The following NUP93 variants were observed in gnomAD, a reference collection of about 807,000 sequenced individuals.
NUP93 encodes nucleoporin 93.
A neutral mutation model predicts 107.8 loss-of-function variants in NUP93; 55 were observed. The observed-to-expected ratio is 0.51, with a 90% CI of 0.41 to 0.64. The LOEUF (loss-of-function observed/expected upper bound fraction) is 0.64, where lower values mean the gene tolerates loss of function less well. Among genes scored for constraint, NUP93 ranks in the 30% least tolerant of loss-of-function variants. The pLI is 0.00. For synonymous variants in NUP93, 390 were observed against 397.5 expected, an observed-to-expected ratio of 0.98 and a Z score of 0.22; for missense variants, 937 against 1,044.7, an observed-to-expected ratio of 0.90 and a Z score of 1.42.
chr16:56,796,402 G>A (rs1379283732), intron 3 of NUP93, among the ~76,000 whole-genome samples: 2 of 152,242 alleles, frequency 1.3e-5, no homozygotes, highest in African/African-American at 4.8e-5. Context: ...GCTTGGTGTA[G>A]TAGGCTATAC....
chr16:56,825,509 AT>A (rs78405096), intron 8 of NUP93, among the ~76,000 whole-genome samples: 3,202 of 151,678 alleles, frequency 0.021, 60 homozygotes, highest in East Asian at 0.075. Flanking sequence ...CTGGCCTAGG[AT>A]TTTTTTTAAT....
At chr16:56,744,216 T>G (rs1454688773) in intron 1 of NUP93, among the ~76,000 whole-genome samples, 5 of 152,148 alleles carry the variant, frequency 3.3e-5, no homozygotes, top group African/African-American at 1.2e-4. Context: ...GGACTTCAAT[T>G]TTTTTCCCCC....
intron 1 of NUP93, among the ~76,000 whole-genome samples, chr16:56,734,153 T>G (rs189549315): frequency 6.6e-6 from 1 of 152,208 alleles, no homozygotes; most frequent in Admixed American, 6.5e-5. Context: ...ATTGATAACA[T>G]ACTACCAACG....
Position 56,815,899 on chromosome 16 carries a change from G to GCTGCTGGTGCTGCTGCTGCTGCTGGTGC in NUP93, c.490-2765_490-2764insCTGCTGGTGCTGCTGCTGCTGCTGGTGC, listed in dbSNP as rs1555495759. ...GCTGCTGCTGCTGCTGCTGCTGCTG[G>GCTGCTGGTGCTGCTGCTGCTGCTGGTGC]TGCTGCTGCTGCTGCTGGTGCTGCT... On this transcript the variant is annotated intron_variant, in intron 5 of 21. Coordinates refer to ENST00000308159, the MANE Select transcript of NUP93 (RefSeq NM_014669.5). Among the ~76,000 whole-genome samples the GCTGCTGGTGCTGCTGCTGCTGCTGGTGC allele has an allele frequency of 8.7e-3, 836 of 95,990 alleles. 8 individuals are homozygous for GCTGCTGGTGCTGCTGCTGCTGCTGGTGC. Among genetic ancestry groups the GCTGCTGGTGCTGCTGCTGCTGCTGGTGC allele is most frequent in the African/African-American group, 0.032 (781 of 24,706 alleles). The allele number at this position is 95,990 out of a possible 152,430, so 63.0% of individuals were successfully genotyped here. A position where few individuals can be genotyped will look rare whatever the true frequency, so the allele number is the denominator to read the frequency against.
At chr16:56,815,881 C>CTGG (rs1555495746) in intron 5 of NUP93, among the ~76,000 whole-genome samples, 5 of 103,896 alleles carry the variant, frequency 4.8e-5, no homozygotes, top group African/African-American at 1.4e-4. Flanking sequence ...GCTGCTGCTG[C>CTGG]TGCTGCTGCT....
rs1453962616 is a variant in NUP93 at position 56,730,163 on chromosome 16, C to A, written c.-63C>A. ...GGGAGAGCGGCGCGAGAAGCGGCGG[C>A]CGCGTCCTCAAGCCGGCACCTGAGC... On this transcript the variant is annotated 5_prime_UTR_variant, in exon 1 of 22. Coordinates refer to ENST00000308159, the MANE Select transcript of NUP93 (RefSeq NM_014669.5). The A allele has an allele frequency of 6.6e-6, 1 of 152,608 alleles. No individual in the cohort carries two copies. Among genetic ancestry groups the A allele is most frequent in the East Asian group, 1.9e-4 (1 of 5,196 alleles). 9.5% of individuals were successfully genotyped at this position (152,608 alleles called of 1,614,324 possible). A position where few individuals can be genotyped will look rare whatever the true frequency, so the allele number is the denominator to read the frequency against.
chr16:56,740,141 C>T (rs1961697961), intron 1 of NUP93, among the ~76,000 whole-genome samples: 1 of 147,314 alleles, frequency 6.8e-6, no homozygotes, highest in African/African-American at 2.5e-5. Context: ...CCCCACCTCC[C>T]TCCCGGACGG....
rs1236279110 is a variant in NUP93 at position 56,836,614 on chromosome 16, A to G, written c.1796A>G (p.Asp599Gly). ...TTGTCTTGTCAGCCTGGAGTCATAG[A>G]TAAGTTTACTAGTGACACAAAGCCT... ...NDGSRKPGVIDKFTSDTKPII... is the reference protein window; with the variant it reads ...NDGSRKPGVIGKFTSDTKPII... The change falls in exon 17 of 22, where the codon GAT becomes GGT. Residue 599 changes from aspartate to glycine, a missense_variant. Transcript: ENST00000308159. The G allele has an allele frequency of 1.2e-6, 2 of 1,609,940 alleles. No homozygotes were observed. The highest frequency in any genetic ancestry group is 1.7e-6 in the Non-Finnish European group (2 of 1,176,424).
intron 2 of NUP93, among the ~76,000 whole-genome samples, chr16:56,755,611 C>G (rs1353185616): frequency 6.6e-6 from 1 of 152,154 alleles, no homozygotes; most frequent in Non-Finnish European, 1.5e-5. Flanking sequence ...CATGGTCGCT[C>G]ACGCCTGTAA....
chr16:56,757,058 G>A (rs769167323), intron 2 of NUP93, among the ~76,000 whole-genome samples: 13 of 152,056 alleles, frequency 8.5e-5, no homozygotes, highest in Non-Finnish European at 1.8e-4. Flanking sequence ...TAGTTGACGT[G>A]GAAGAGACAA....
intron 3 of NUP93, among the ~76,000 whole-genome samples, chr16:56,771,634 C>G (rs1962324475): frequency 6.6e-6 from 1 of 152,208 alleles, no homozygotes; most frequent in Non-Finnish European, 1.5e-5. Flanking sequence ...GGAAATGCTA[C>G]TTAGAAGAGT....
intron 2 of NUP93, among the ~76,000 whole-genome samples, chr16:56,757,031 T>A (rs1962037230): frequency 6.6e-6 from 1 of 152,092 alleles, no homozygotes; most frequent in Admixed American, 6.6e-5. Context: ...GGAGGGAAAG[T>A]CCCGGGGATG....
intron 4 of NUP93, among the ~76,000 whole-genome samples, chr16:56,804,157 C>T (rs1236631220): frequency 2.0e-5 from 3 of 152,226 alleles, no homozygotes; most frequent in Admixed American, 1.3e-4. Context: ...AATAGTATGT[C>T]GGTTCCTCAC....
At chr16:56,757,664 G>A (rs1257317179) in intron 2 of NUP93, among the ~76,000 whole-genome samples, 2 of 152,268 alleles carry the variant, frequency 1.3e-5, no homozygotes, top group South Asian at 2.1e-4. Flanking sequence ...CTCTTCAAAA[G>A]CATTTACTGA....
At chr16:56,821,672 A>T in intron 7 of NUP93, 79 bp downstream of exon 7, 1 of 878,986 alleles carries the variant, frequency 1.1e-6, no homozygotes, top group South Asian at 1.4e-5. Context: ...TTTGGTTGAA[A>T]TGTGCTGCGG....
chr16:56,842,687 G>A (rs1177564859), intron 21 of NUP93: 1 of 438,528 alleles, frequency 2.3e-6, no homozygotes, highest in Non-Finnish European at 4.5e-6. Flanking sequence ...CAAGTAGCTG[G>A]GACTACAGGT....
At chr16:56,833,602 C>G (rs980842676) in intron 13 of NUP93, among the ~76,000 whole-genome samples, 196 bp downstream of exon 13, 1 of 109,070 alleles carries the variant, frequency 9.2e-6, no homozygotes, top group South Asian at 3.3e-4. Flanking sequence ...CATTAGTATT[C>G]CCTTGAAAGT....
chr16:56,810,457 C>T (rs143381648), intron 5 of NUP93, among the ~76,000 whole-genome samples: 96 of 151,842 alleles, frequency 6.3e-4, no homozygotes, highest in African/African-American at 2.2e-3. Context: ...AGTAGGACCC[C>T]GTCTCTACAA....
At chr16:56,760,272 A>G (rs180713142) in intron 3 of NUP93, among the ~76,000 whole-genome samples, 300 of 152,304 alleles carry the variant, frequency 2.0e-3, no homozygotes, top group South Asian at 3.5e-3. Context: ...TCATGCCTCT[A>G]ATCCCAGCAT....
Sources: allele counts gnomAD v4.1 joint callset (sites outside exome capture counted in the v4.1 genomes callset), GRCh38; gene constraint gnomAD v4.1.1; transcripts MANE v1.5; gene names NCBI Gene and HGNC (gene_info 2026-07-23, HGNC 2026-07-21).